PITPNB: variants seen among roughly 807,000 people sequenced by gnomAD.
PITPNB encodes the protein phosphatidylinositol transfer protein beta isoform.
A neutral mutation model predicts 45.9 loss-of-function variants in PITPNB; 16 were observed. The ratio of observed to expected loss-of-function variants is 0.35; its 90% CI spans 0.24 to 0.53. PITPNB has a LOEUF of 0.53. Among genes scored for constraint, PITPNB ranks in the 20% least tolerant of loss-of-function variants. The pLI is 0.93. For missense variants in PITPNB, 188 were observed against 330.5 expected (o/e 0.57, Z 3.34); for synonymous variants, 112 against 108.9 (o/e 1.03, Z -0.18).
At chr22:27,896,203 T>C (rs1217994860) in intron 6 of PITPNB, among the ~76,000 whole-genome samples, 3 of 152,236 alleles carry the variant, frequency 2.0e-5, no homozygotes, top group African/African-American at 4.8e-5. Context: ...AATCCTGCTA[T>C]GCAGAGCAGC....
intron 4 of PITPNB, among the ~76,000 whole-genome samples, chr22:27,897,537 C>T (rs916258345): frequency 6.6e-6 from 1 of 152,146 alleles, no homozygotes; most frequent in Non-Finnish European, 1.5e-5. Context: ...GTGTAAACGA[C>T]CTTTCTTTTG....
intron 4 of PITPNB, 89 bp downstream of exon 4, chr22:27,897,712 A>C (rs1935475188): frequency 3.5e-6 from 3 of 856,944 alleles, no homozygotes; most frequent in Non-Finnish European, 6.0e-6. Flanking sequence ...GACCTTGCTC[A>C]GTGTAAACCT....
At position 27,911,058 on chromosome 22, in the gene PITPNB, C is replaced by A; in HGVS notation, c.103G>T (p.Gly35Cys). ...SVAEASKNET[G>C]GGEGIEVLKN... The stretch of plus-strand genomic sequence containing the variant: ...AAGACTTCAATTCCTTCTCCACCAC[C>A]AGTCTCATTCTTACTAGCTTCTGCA... Residue 35 changes from glycine (G) to cysteine (C), a missense_variant, in exon 3 of 12, where the codon GGT becomes TGT. Gly to Cys is a radical substitution (Grantham distance 159). Coordinates refer to ENST00000335272, the MANE Select transcript of PITPNB (RefSeq NM_012399.5). 6.2e-7 allele frequency: 1 copy of A among 1,610,796 alleles called. No individual in the cohort carries two copies. Among genetic ancestry groups the A allele is most frequent in the Non-Finnish European group, 8.5e-7 (1 of 1,177,000 alleles).
intron 7 of PITPNB, among the ~76,000 whole-genome samples, chr22:27,887,072 T>G (rs1404420895): frequency 6.6e-6 from 1 of 152,140 alleles, no homozygotes; most frequent in Non-Finnish European, 1.5e-5. Context: ...ACACATTCAT[T>G]TAAGGGAGAA....
intron 4 of PITPNB, among the ~76,000 whole-genome samples, chr22:27,897,452 G>T (rs1232927158): frequency 2.6e-5 from 4 of 152,212 alleles, no homozygotes; most frequent in Admixed American, 6.5e-5. Flanking sequence ...TGTTTCAGAA[G>T]TCTGTCCTAT....
At chr22:27,897,654 C>T (rs548437993) in intron 4 of PITPNB, 147 bp downstream of exon 4, 1 of 639,728 alleles carries the variant, frequency 1.6e-6, no homozygotes, top group Non-Finnish European at 2.8e-6. Flanking sequence ...CCAATGCAGC[C>T]CTTCCTCTGC....
At chr22:27,885,844 C>T (rs1053068316) in intron 7 of PITPNB, among the ~76,000 whole-genome samples, 4 of 152,100 alleles carry the variant, frequency 2.6e-5, no homozygotes, top group Admixed American at 2.0e-4. Context: ...AAAACATTTG[C>T]AAATTCTCTC....
chr22:27,886,298 G>A (rs1472790801), intron 7 of PITPNB, among the ~76,000 whole-genome samples: 2 of 152,150 alleles, frequency 1.3e-5, no homozygotes, highest in Non-Finnish European at 2.9e-5. Flanking sequence ...AAATTACAGA[G>A]AACAGTGGCT....
Position 27,852,920 on chromosome 22 carries a change from T to G in PITPNB, c.*782A>C, listed in dbSNP as rs1569000590. ...TTGCTAGGTTTGATGTAGAAAAATATTTGAAATTTAAAATACAAAAATCCA... is the reference window on the plus strand; with the variant it reads ...TTGCTAGGTTTGATGTAGAAAAATAGTTGAAATTTAAAATACAAAAATCCA... On this transcript the variant is annotated 3_prime_UTR_variant, in exon 12 of 12. Coordinates refer to ENST00000335272, the MANE Select transcript of PITPNB (RefSeq NM_012399.5). 1 of 152,650 alleles carries G rather than the reference T, an allele frequency of 6.6e-6. No homozygotes were observed. Among genetic ancestry groups the G allele is most frequent in the African/African-American group, 2.4e-5 (1 of 41,456 alleles). The allele number at this position is 152,650 out of a possible 1,614,324, so 9.5% of individuals were successfully genotyped here. A position where few individuals can be genotyped will look rare whatever the true frequency, so the allele number is the denominator to read the frequency against.
chr22:27,916,783 A>G (rs1209198403), intron 1 of PITPNB, among the ~76,000 whole-genome samples: 1 of 152,154 alleles, frequency 6.6e-6, no homozygotes, highest in Non-Finnish European at 1.5e-5. Flanking sequence ...AGCCTGGGCA[A>G]CAGAGACTCC....
intron 11 of PITPNB, among the ~76,000 whole-genome samples, chr22:27,854,544 TTAACTCAG>T (rs1364807798): frequency 1.3e-5 from 2 of 152,182 alleles, no homozygotes; most frequent in African/African-American, 4.8e-5. Context: ...ACCAGGTCAA[TTAACTCAG>T]TATTGAAAAA....
intron 7 of PITPNB, among the ~76,000 whole-genome samples, chr22:27,882,254 T>C (rs1569017352): frequency 6.6e-6 from 1 of 152,200 alleles, no homozygotes; most frequent in Non-Finnish European, 1.5e-5. Context: ...TTAAACAATA[T>C]ACACCCATGG....
In PITPNB at chr22:27,897,013, C is replaced by A. The variant is rs928329058; in HGVS notation, c.297+117G>T. The A allele has an allele frequency of 3.4e-5, 27 of 786,956 alleles. No individual in the cohort carries two copies. The African/African-American group carries it at 3.6e-4, about 10-fold the overall frequency. The allele number at this position is 786,956 out of a possible 1,614,324, so 48.7% of individuals were successfully genotyped here. Reference sequence around the variant, plus strand: ...AGAGTGTGGCGGCTGGTTGGTGGGACACAGGAAGGAACCATGCAGCGAGGT... The same window carrying A: ...AGAGTGTGGCGGCTGGTTGGTGGGAAACAGGAAGGAACCATGCAGCGAGGT... On this transcript the variant is annotated intron_variant, in intron 5 of 11. Coordinates refer to ENST00000335272, the MANE Select transcript of PITPNB (RefSeq NM_012399.5).
intron 10 of PITPNB, among the ~76,000 whole-genome samples, chr22:27,855,951 G>C (rs981068791): frequency 1.2e-4 from 19 of 152,272 alleles, no homozygotes; most frequent in Admixed American, 1.0e-3. Flanking sequence ...GTGCTTTCTG[G>C]GTAGGCATTC....
chr22:27,899,217 T>C (rs1358215210), intron 3 of PITPNB, among the ~76,000 whole-genome samples: 1 of 152,396 alleles, frequency 6.6e-6, no homozygotes, highest in Non-Finnish European at 1.5e-5. Context: ...TGCTTTTTAA[T>C]TATAAGTTGA....
At chr22:27,909,138 G>A (rs1935845149) in intron 3 of PITPNB, among the ~76,000 whole-genome samples, 3 of 151,072 alleles carry the variant, frequency 2.0e-5, no homozygotes, top group Admixed American at 1.3e-4. Flanking sequence ...ATTAACTAGG[G>A]AGACAATGAC....
At chr22:27,899,499 A>C (rs979707773) in intron 3 of PITPNB, among the ~76,000 whole-genome samples, 2 of 151,806 alleles carry the variant, frequency 1.3e-5, no homozygotes, top group South Asian at 4.2e-4. Flanking sequence ...ATTTTTTTGT[A>C]TTTTTAGTAG....
intron 8 of PITPNB, among the ~76,000 whole-genome samples, chr22:27,864,334 GA>G (rs1934419582): frequency 6.6e-6 from 1 of 152,162 alleles, no homozygotes; most frequent in African/African-American, 2.4e-5. Context: ...AGAAAATAGT[GA>G]AAATGTCTGA....
intron 8 of PITPNB, among the ~76,000 whole-genome samples, chr22:27,873,313 CTCGTGTCCTG>C (rs1183448298): frequency 6.6e-6 from 1 of 152,162 alleles, no homozygotes; most frequent in African/African-American, 2.4e-5. Context: ...AAATTGCTCA[CTCGTGTCCTG>C]CTTTCCAAAA....
Sources: gnomAD v4.1 joint callset for allele counts (sites outside exome capture counted in the v4.1 genomes callset) on GRCh38, gnomAD v4.1.1 for gene constraint, MANE v1.5 for transcripts, NCBI Gene and HGNC (gene_info 2026-07-23, HGNC 2026-07-21) for gene names.